GRB14: variants seen among roughly 807,000 people sequenced by gnomAD.
GRB14 encodes the protein growth factor receptor-bound protein 14.
Under a neutral mutation model 69.1 loss-of-function variants are expected in GRB14, and 38 were observed. The observed-to-expected ratio is 0.55, with a 90% CI of 0.42 to 0.72. GRB14 has a LOEUF of 0.72. GRB14 is among the 30% of genes least tolerant of loss of function. The pLI is 0.00. For missense variants in GRB14, 666 were observed against 666.1 expected (o/e 1.00, Z 0.00); for synonymous variants, 247 against 241.3 (o/e 1.02, Z -0.22).
intron 2 of GRB14, among the ~76,000 whole-genome samples, chr2:164,601,009 C>G (rs1689901914): frequency 6.6e-6 from 1 of 152,044 alleles, no homozygotes; most frequent in African/African-American, 2.4e-5. Context: ...AAAATACATT[C>G]CTCTCCACTT....
At chr2:164,603,098 T>C (rs1277162214) in intron 2 of GRB14, among the ~76,000 whole-genome samples, 4 of 152,140 alleles carry the variant, frequency 2.6e-5, no homozygotes, top group Non-Finnish European at 5.9e-5. Flanking sequence ...CAGGGTCCCA[T>C]TTAAATCAGT....
intron 8 of GRB14, among the ~76,000 whole-genome samples, chr2:164,503,873 G>A (rs1204110065): frequency 6.6e-6 from 1 of 152,090 alleles, no homozygotes; most frequent in Non-Finnish European, 1.5e-5. Flanking sequence ...GCAGTGTTAG[G>A]TAGTTGCCTC....
chr2:164,531,075 T>C (rs894976487), intron 3 of GRB14, among the ~76,000 whole-genome samples: 2 of 152,168 alleles, frequency 1.3e-5, no homozygotes, highest in Non-Finnish European at 1.5e-5. Context: ...AAATTGGATA[T>C]GGAGTGAAAA....
At chr2:164,565,041 C>A (rs1319758790) in intron 2 of GRB14, among the ~76,000 whole-genome samples, 4 of 151,938 alleles carry the variant, frequency 2.6e-5, no homozygotes, top group Non-Finnish European at 4.4e-5. Context: ...AACAAACAAA[C>A]AAAAAATGTT....
intron 2 of GRB14, among the ~76,000 whole-genome samples, chr2:164,578,516 T>TTG (rs1689308935): frequency 2.1e-5 from 2 of 95,310 alleles, no homozygotes; most frequent in Non-Finnish European, 4.7e-5. Flanking sequence ...AAAAGACAAT[T>TTG]CGCGCGCACA....
At chr2:164,594,285 C>T (rs1689735328) in intron 2 of GRB14, among the ~76,000 whole-genome samples, 1 of 152,076 alleles carries the variant, frequency 6.6e-6, no homozygotes, top group African/African-American at 2.4e-5. Flanking sequence ...AGAGGCTTTC[C>T]CTCATTTTTA....
intron 9 of GRB14, among the ~76,000 whole-genome samples, chr2:164,499,094 C>T (rs1284950060): frequency 6.6e-6 from 1 of 152,140 alleles, no homozygotes; most frequent in East Asian, 1.9e-4. Flanking sequence ...GCCCAAACCA[C>T]AGAGTAAGCT....
intron 3 of GRB14, among the ~76,000 whole-genome samples, chr2:164,528,702 C>T (rs1175667036): frequency 6.6e-6 from 1 of 152,026 alleles, no homozygotes; most frequent in African/African-American, 2.4e-5. Flanking sequence ...TTTTCTTTCT[C>T]CCCCTATAAA....
intron 5 of GRB14, among the ~76,000 whole-genome samples, chr2:164,523,459 G>GA (rs1251626937): frequency 6.6e-6 from 1 of 151,212 alleles, no homozygotes; most frequent in African/African-American, 2.4e-5. Context: ...TAAACAAATG[G>GA]AAAAAATTTG....
chr2:164,554,601 C>A (rs533558610), intron 2 of GRB14, among the ~76,000 whole-genome samples: 13 of 152,126 alleles, frequency 8.5e-5, no homozygotes, highest in Non-Finnish European at 1.5e-4. Flanking sequence ...TCACTCTAAT[C>A]CTGACAATCA....
At chr2:164,613,889 T>C (rs1478610816) in intron 2 of GRB14, among the ~76,000 whole-genome samples, 1 of 152,138 alleles carries the variant, frequency 6.6e-6, no homozygotes, top group Non-Finnish European at 1.5e-5. Flanking sequence ...TTTTGAAAGG[T>C]CCAATTGCCC....
chr2:164,607,467 T>C (rs1332797572), intron 2 of GRB14, among the ~76,000 whole-genome samples: 4 of 152,218 alleles, frequency 2.6e-5, no homozygotes, highest in South Asian at 2.1e-4. Flanking sequence ...ACATAACACA[T>C]GTCAGATAAT....
At chr2:164,565,060 A>T (rs976263028) in intron 2 of GRB14, among the ~76,000 whole-genome samples, 2 of 152,168 alleles carry the variant, frequency 1.3e-5, no homozygotes, top group Non-Finnish European at 2.9e-5. Flanking sequence ...TTAATCTGAT[A>T]GAGACATGAA....
Position 164,493,180 on chromosome 2 carries a change from T to C in GRB14, c.1479A>G (p.Val493=). 6.2e-7 allele frequency: 1 copy of C among 1,611,622 alleles called. No homozygotes were observed. Among genetic ancestry groups the C allele is most frequent in the South Asian group, 1.1e-5 (1 of 90,602 alleles). Residue 493 remains valine, a splice_region_variant and synonymous_variant, in exon 14 of 14, where the codon GTA becomes GTG. Transcript: ENST00000263915. ...TGTGGAACATTTCACCGTCATCTTC[T>C]ACCTGCAAAAAGAAAAGCAACAAAT... ...QKIKHFQIIP[V]EDDGEMFHTL... is the part of the protein sequence containing the mutation.
chr2:164,497,325 A>G (rs370252624), intron 10 of GRB14, 42 bp from the exon 11 acceptor site: 2 of 1,606,260 alleles, frequency 1.2e-6, no homozygotes, highest in Non-Finnish European at 8.5e-7. Context: ...TTTTTAGGTG[A>G]AACAAACTGA....
chr2:164,613,437 G>A (rs960940160), intron 2 of GRB14, among the ~76,000 whole-genome samples: 5 of 151,972 alleles, frequency 3.3e-5, no homozygotes, highest in Admixed American at 2.0e-4. Context: ...ATAGGATCTG[G>A]ACACACTGGA....
At chr2:164,546,007 T>C (rs1033796185) in intron 3 of GRB14, among the ~76,000 whole-genome samples, 1 of 152,220 alleles carries the variant, frequency 6.6e-6, no homozygotes, top group African/African-American at 2.4e-5. Flanking sequence ...TACACTACCA[T>C]AAAGAGAACC....
At chr2:164,582,402 CTTAT>C (rs1162308634) in intron 2 of GRB14, among the ~76,000 whole-genome samples, 12 of 141,360 alleles carry the variant, frequency 8.5e-5, no homozygotes, top group Middle Eastern at 3.4e-3. Flanking sequence ...ATTTTCAGCT[CTTAT>C]TTATTTATTT....
chr2:164,619,851 A>C (rs750332324), intron 1 of GRB14, 32 bp from the exon 2 acceptor site: 3 of 1,557,926 alleles, frequency 1.9e-6, no homozygotes, highest in Non-Finnish European at 2.6e-6. Flanking sequence ...TGTAATTTAC[A>C]TAAAACAGAA....
Sources: gnomAD v4.1 joint callset for allele counts (sites outside exome capture counted in the v4.1 genomes callset) on GRCh38, gnomAD v4.1.1 for gene constraint, MANE v1.5 for transcripts, NCBI Gene and HGNC (gene_info 2026-07-23, HGNC 2026-07-21) for gene names.